MATCAP2: variants seen among roughly 807,000 people sequenced by gnomAD.
MATCAP2 encodes the protein microtubule associated tyrosine carboxypeptidase 2, also known as putative tyrosine carboxypeptidase MATCAP2.
the MATCAP2 span, chr7:36,367,152 C>G: frequency 2.3e-5 from 28 of 1,217,070 alleles, no homozygotes; most frequent in Admixed American, 4.4e-4. Context: ...CCCGTAGCTA[C>G]TGGAAGGTAC....
chr7:36,367,158 G>A, the MATCAP2 span: 5 of 1,211,860 alleles, frequency 4.1e-6, no homozygotes, highest in Admixed American at 4.4e-5. Flanking sequence ...GCTACTGGAA[G>A]GTACACACGG....
chr7:36,336,297 A>T, the MATCAP2 span: 1 of 1,515,960 alleles, frequency 6.6e-7, no homozygotes, highest in Non-Finnish European at 8.8e-7. Flanking sequence ...ATATTGATAG[A>T]CTGTAAAAGA....
chr7:36,379,386 ATCTT>A, the MATCAP2 span, among the ~76,000 whole-genome samples: 3 of 152,164 alleles, frequency 2.0e-5, no homozygotes, highest in South Asian at 2.1e-4. Context: ...ACAAGGTTTT[ATCTT>A]TCTTTCTATC....
At chr7:36,370,755 A>T in the MATCAP2 span, among the ~76,000 whole-genome samples, 1 of 152,274 alleles carries the variant, frequency 6.6e-6, no homozygotes, top group Non-Finnish European at 1.5e-5. Flanking sequence ...TGCTAGGATT[A>T]TAGGCGTGAG....
the MATCAP2 span, among the ~76,000 whole-genome samples, chr7:36,375,927 TG>T: frequency 6.6e-6 from 1 of 152,250 alleles, no homozygotes; most frequent in East Asian, 1.9e-4. Flanking sequence ...GTGGGATCAG[TG>T]GTGATATCCC....
the MATCAP2 span, among the ~76,000 whole-genome samples, chr7:36,384,831 GA>G: frequency 6.9e-6 from 1 of 145,614 alleles, no homozygotes; most frequent in South Asian, 2.2e-4. Context: ...TTTATGACCA[GA>G]AAAAAGGCCT....
At chr7:36,329,047 A>T in the MATCAP2 span, among the ~76,000 whole-genome samples, 44 of 152,312 alleles carry the variant, frequency 2.9e-4, no homozygotes, top group African/African-American at 8.9e-4. Flanking sequence ...CCGTATCAAA[A>T]AAATAAATAA....
At chr7:36,324,337 T>C in the MATCAP2 span, 1 of 152,192 alleles carries the variant, frequency 6.6e-6, no homozygotes, top group Non-Finnish European at 1.5e-5. Context: ...TATAAAGAAA[T>C]GAAGACTATG....
chr7:36,348,460 T>C, the MATCAP2 span, among the ~76,000 whole-genome samples: 15 of 152,222 alleles, frequency 9.9e-5, no homozygotes, highest in Admixed American at 4.6e-4. Context: ...TATAAAACAC[T>C]GTGCTGGCCA....
the MATCAP2 span, among the ~76,000 whole-genome samples, chr7:36,330,458 A>G: frequency 2.0e-5 from 3 of 151,696 alleles, no homozygotes; most frequent in African/African-American, 7.3e-5. Context: ...AGACTATCAC[A>G]GATTAAAAGA....
chr7:36,367,350 C>T, the MATCAP2 span: 1 of 992,474 alleles, frequency 1.0e-6, no homozygotes, highest in Middle Eastern at 5.1e-4. Context: ...AACTACAACT[C>T]CCGGCGTGCA....
chr7:36,366,890 C>A, the MATCAP2 span: 622 of 1,472,904 alleles, frequency 4.2e-4, 13 homozygotes, highest in South Asian at 7.6e-3. Flanking sequence ...GCACCCCCGC[C>A]GCGGCCAGCC....
chr7:36,353,518 T>C, the MATCAP2 span, among the ~76,000 whole-genome samples: 1 of 146,610 alleles, frequency 6.8e-6, no homozygotes, highest in African/African-American at 2.5e-5. Flanking sequence ...TCTCACTCTA[T>C]GGCCCAGGCT....
the MATCAP2 span, chr7:36,366,740 T>C: frequency 6.5e-7 from 1 of 1,535,334 alleles, no homozygotes. Context: ...GGCCGATTTC[T>C]CTCTTCCCTC....
At chr7:36,346,644 G>A in the MATCAP2 span, among the ~76,000 whole-genome samples, 11 of 152,336 alleles carry the variant, frequency 7.2e-5, no homozygotes, top group African/African-American at 9.6e-5. Context: ...GATGGGGAAC[G>A]ATTGCTAATG....
the MATCAP2 span, among the ~76,000 whole-genome samples, chr7:36,367,879 C>T: frequency 2.6e-5 from 4 of 152,242 alleles, no homozygotes; most frequent in East Asian, 7.7e-4. Context: ...GCCTGGGCCA[C>T]ATGGCGAAAA....
chr7:36,384,473 C>T, the MATCAP2 span, among the ~76,000 whole-genome samples: 13 of 152,302 alleles, frequency 8.5e-5, no homozygotes, highest in East Asian at 2.5e-3. Flanking sequence ...ATTTATTTAA[C>T]AAGTATCTAC....
the MATCAP2 span, among the ~76,000 whole-genome samples, chr7:36,328,659 A>G: frequency 2.6e-5 from 4 of 151,756 alleles, no homozygotes; most frequent in Admixed American, 1.3e-4. Context: ...CAGGAGAATA[A>G]TTTGAACCCA....
At chr7:36,386,447 A>ATGTG in the MATCAP2 span, among the ~76,000 whole-genome samples, 4,736 of 148,502 alleles carry the variant, frequency 0.032, 244 homozygotes, top group East Asian at 0.22. Flanking sequence ...GTATGTGTGT[A>ATGTG]TGTGTGTGTG....
Sources: allele counts gnomAD v4.1 joint callset (sites outside exome capture counted in the v4.1 genomes callset), GRCh38; gene constraint gnomAD v4.1.1; transcripts MANE v1.5; gene names NCBI Gene and HGNC (gene_info 2026-07-23, HGNC 2026-07-21).